ARID3B: variants seen among roughly 807,000 people sequenced by gnomAD.
The protein encoded by ARID3B is AT-rich interaction domain 3B, also known as AT-rich interactive domain-containing protein 3B.
A neutral mutation model predicts 51.9 loss-of-function variants in ARID3B; 10 were observed. The observed-to-expected ratio is 0.19, with a 90% CI of 0.12 to 0.33. The LOEUF (loss-of-function observed/expected upper bound fraction) is 0.33, where lower values mean the gene tolerates loss of function less well. Ranked by LOEUF, ARID3B falls within the 10% of genes least tolerant of loss-of-function variation. The probability of loss-of-function intolerance (pLI) is 1.00; values close to 1 mark genes in which losing one functional copy is unlikely to be tolerated. For synonymous variants in ARID3B, 205 were observed against 279.5 expected, an observed-to-expected ratio of 0.73 and a Z score of 2.66; for missense variants, 483 against 716.3, an observed-to-expected ratio of 0.67 and a Z score of 3.72.
At chr15:74,563,112 G>A (rs538578092) in intron 2 of ARID3B, among the ~76,000 whole-genome samples, 9 of 152,240 alleles carry the variant, frequency 5.9e-5, no homozygotes, top group Non-Finnish European at 2.9e-5. Context: ...TTTGAGCCTC[G>A]ACCACCTGTC....
In ARID3B at chr15:74,597,797, C is replaced by T. The variant is rs1033016447; in HGVS notation, c.*2023C>T. On this transcript the variant is annotated 3_prime_UTR_variant, in exon 9 of 9. Transcript: ENST00000346246. ...TTTCCCCAGGCAGCTCGCCTGGCCA[C>T]ACCGTTGGAGTGAACCCTCACTGCC... The T allele has an allele frequency of 1.1e-5, 5 of 464,834 alleles. No homozygotes were observed. Among genetic ancestry groups the T allele is most frequent in the African/African-American group, 9.7e-5 (5 of 51,676 alleles). 28.8% of individuals were successfully genotyped at this position (464,834 alleles called of 1,614,324 possible). A position where few individuals can be genotyped will look rare whatever the true frequency, so the allele number is the denominator to read the frequency against.
chr15:74,551,739 C>G (rs1371595106), intron 2 of ARID3B, among the ~76,000 whole-genome samples: 6 of 152,188 alleles, frequency 3.9e-5, no homozygotes, highest in Admixed American at 3.9e-4. Flanking sequence ...CTCTTGATTG[C>G]ACATTATTGC....
At chr15:74,581,203 A>G (rs1056948637) in intron 4 of ARID3B, among the ~76,000 whole-genome samples, 2 of 152,216 alleles carry the variant, frequency 1.3e-5, no homozygotes, top group Non-Finnish European at 2.9e-5. Flanking sequence ...CAAGGCTGCA[A>G]ACTGACCTTG....
chr15:74,563,684 C>G lies in ARID3B; in HGVS notation c.553-9178C>G, dbSNP rs180823519. On this transcript the variant is annotated intron_variant, in intron 2 of 8. Transcript: ENST00000346246. ...CATTGTGGAAGTTCAGGTGGTAGCT[C>G]AAGGGTTGGAGTAAGCCGTAGTGCT... 9.9e-4 allele frequency among the ~76,000 whole-genome samples: 151 copies of G among 152,180 alleles called. 1 individual carries two copies. The highest frequency in any genetic ancestry group is 2.1e-4 in the Non-Finnish European group (14 of 68,016).
At chr15:74,555,953 G>A (rs1286898845) in intron 2 of ARID3B, among the ~76,000 whole-genome samples, 6 of 151,606 alleles carry the variant, frequency 4.0e-5, no homozygotes, top group Admixed American at 2.0e-4. Flanking sequence ...CAGCATGCCC[G>A]GCTAATTTTT....
chr15:74,567,856 G>A (rs963904794), intron 2 of ARID3B, among the ~76,000 whole-genome samples: 1 of 152,190 alleles, frequency 6.6e-6, no homozygotes, highest in African/African-American at 2.4e-5. Flanking sequence ...TCCCCTGTGT[G>A]CTGTTGAAAT....
rs60032286 is a variant in ARID3B, at chr15:74,543,838, G to A, written c.-77-22G>A. ...GGTTGTTTTTTCCCCCTCCTTCTTT[G>A]TGGTTTCTGTTAATCACTAAGGTTT... On this transcript the variant is annotated intron_variant, in intron 1 of 8. Transcript: ENST00000346246. 6,621 of 1,460,118 alleles carry A rather than the reference G, an allele frequency of 4.5e-3. 265 individuals are homozygous for A. In the African/African-American group the frequency reaches 0.082, roughly 18 times the overall value. The allele number at this position is 1,460,118 out of a possible 1,614,324, so 90.4% of individuals were successfully genotyped here. A position where few individuals can be genotyped will look rare whatever the true frequency, so the allele number is the denominator to read the frequency against.
chr15:74,593,484 C>T (rs1346187672), intron 8 of ARID3B, among the ~76,000 whole-genome samples: 3 of 152,168 alleles, frequency 2.0e-5, no homozygotes, highest in Non-Finnish European at 2.9e-5. Flanking sequence ...GTGGTTGGCT[C>T]GTTAATTGAA....
chr15:74,559,309 G>C (rs2141454884), intron 2 of ARID3B, among the ~76,000 whole-genome samples: 1 of 152,254 alleles, frequency 6.6e-6, no homozygotes, highest in Middle Eastern at 3.4e-3. Context: ...GTATGCAACG[G>C]GTAGAGTGTT....
intron 4 of ARID3B, among the ~76,000 whole-genome samples, chr15:74,576,375 C>T (rs909062488): frequency 6.6e-6 from 1 of 152,166 alleles, no homozygotes; most frequent in African/African-American, 2.4e-5. Flanking sequence ...AAAATATCCT[C>T]TGCAAGAAAA....
intron 2 of ARID3B, among the ~76,000 whole-genome samples, chr15:74,571,977 C>T (rs1019159153): frequency 4.6e-5 from 7 of 152,092 alleles, no homozygotes; most frequent in Non-Finnish European, 8.8e-5. Context: ...GGCGTGGTTG[C>T]GCACACGTGT....
At chr15:74,594,058 A>C (rs533731991) in intron 8 of ARID3B, among the ~76,000 whole-genome samples, 10 of 152,132 alleles carry the variant, frequency 6.6e-5, no homozygotes, top group East Asian at 1.9e-4. Flanking sequence ...AAAAAAAAAA[A>C]AACAAAACTT....
In ARID3B at chr15:74,544,343, C is replaced by A; in HGVS notation, c.407C>A (p.Pro136His). 2 of 1,612,288 alleles carry A rather than the reference C, an allele frequency of 1.2e-6. No individual in the cohort carries two copies. Among genetic ancestry groups the A allele is most frequent in the Non-Finnish European group, 1.7e-6 (2 of 1,178,998 alleles). The change falls in exon 2 of 9, where the codon CCC (proline) becomes CAC (histidine). Residue 136 changes from proline (P) to histidine (H), a missense_variant. Around this residue, in one of 3 missense-constraint regions of ARID3B, gnomAD observed 182 missense variants for 244.5 expected, o/e 0.74. Coordinates refer to ENST00000346246, the MANE Select transcript of ARID3B (RefSeq NM_006465.4). ...KVARQDPRVA[P>H]MSNLLPAPGL... ...GCTCGCCAAGATCCCAGAGTGGCAC[C>A]CATGTCCAATCTACTTCCAGCACCA...
chr15:74,577,285 C>T (rs1030783819), intron 4 of ARID3B, among the ~76,000 whole-genome samples: 4 of 149,286 alleles, frequency 2.7e-5, no homozygotes, highest in Admixed American at 6.7e-5. Context: ...GCCTGGGCAA[C>T]GTAACAAGAC....
At chr15:74,577,296 C>A (rs1218659282) in intron 4 of ARID3B, among the ~76,000 whole-genome samples, 1 of 151,374 alleles carries the variant, frequency 6.6e-6, no homozygotes, top group Non-Finnish European at 1.5e-5. Flanking sequence ...GTAACAAGAC[C>A]CCATCCCTGT....
At chr15:74,560,356 A>G (rs538847067) in intron 2 of ARID3B, among the ~76,000 whole-genome samples, 4 of 152,184 alleles carry the variant, frequency 2.6e-5, no homozygotes, top group Non-Finnish European at 4.4e-5. Flanking sequence ...TTGGAAATGT[A>G]TGAAATAAAA....
intron 4 of ARID3B, among the ~76,000 whole-genome samples, 168 bp from the exon 5 acceptor site, chr15:74,589,652 T>C (rs529788919): frequency 6.6e-6 from 1 of 152,368 alleles, no homozygotes; most frequent in African/African-American, 2.4e-5. Context: ...GCGTTGGACC[T>C]GTCCTGACAG....
chr15:74,583,866 G>C (rs1057206207), intron 4 of ARID3B, among the ~76,000 whole-genome samples: 1 of 152,168 alleles, frequency 6.6e-6, no homozygotes, highest in African/African-American at 2.4e-5. Context: ...GAGGTGGAAG[G>C]CTTAAGGATT....
rs1467581261 is a variant in ARID3B at position 74,596,650 on chromosome 15, T to C, written c.*876T>C. On this transcript the variant is annotated 3_prime_UTR_variant, in exon 9 of 9. Transcript: ENST00000346246. Reference sequence around the variant, plus strand: ...TTCAGCTCAGCCCTCTTCTATTTCTTATGGGGCCATCTTGGCCTCACCATC... The same window carrying C: ...TTCAGCTCAGCCCTCTTCTATTTCTCATGGGGCCATCTTGGCCTCACCATC... 1 of 233,704 alleles carries C rather than the reference T, an allele frequency of 4.3e-6. No homozygotes were observed. The highest frequency in any genetic ancestry group is 1.8e-4 in the South Asian group (1 of 5,544). The allele number at this position is 233,704 out of a possible 1,614,324, so 14.5% of individuals were successfully genotyped here.
Sources: allele counts gnomAD v4.1 joint callset (sites outside exome capture counted in the v4.1 genomes callset), GRCh38; gene constraint gnomAD v4.1.1; regional missense constraint gnomAD v4.1.1; transcripts MANE v1.5; gene names NCBI Gene and HGNC (gene_info 2026-07-23, HGNC 2026-07-21).